Variants in ITGA11 observed in about 807,000 individuals in gnomAD.
The protein encoded by ITGA11 is integrin subunit alpha 11, also known as integrin alpha-11.
ITGA11 carries 97 observed loss-of-function variants against 141.9 expected under a neutral mutation model. The observed-to-expected ratio is 0.68, with a 90% CI of 0.58 to 0.81. ITGA11 has a LOEUF of 0.81. Ranked by LOEUF, ITGA11 falls within the 30% of genes least tolerant of loss-of-function variation. The pLI is 0.00. For missense variants in ITGA11, 1,387 were observed against 1,559.2 expected (o/e 0.89, Z 1.86); for synonymous variants, 658 against 624.6 (o/e 1.05, Z -0.80).
At position 68,345,790 on chromosome 15, in the gene ITGA11, C is replaced by T. The variant is rs190583342; in HGVS notation, c.1131+3040G>A. Among the ~76,000 whole-genome samples, 742 of 152,290 alleles carry T rather than the reference C, an allele frequency of 4.9e-3. 2 individuals carry two copies. The highest frequency in any genetic ancestry group is 0.023 in the South Asian group (111 of 4,822). On this transcript the variant is annotated intron_variant, in intron 10 of 29. Coordinates refer to ENST00000315757, the MANE Select transcript of ITGA11 (RefSeq NM_001004439.2). ...CAATAGCCCTGATCCCCAGAGAGGC[C>T]TAACTGACCCTGAGAGCTGAGGAGT...
rs926135584 is a variant in ITGA11, at chr15:68,305,924, T to C, written c.3381+1424A>G. Among the ~76,000 whole-genome samples, 4 of 151,622 alleles carry C rather than the reference T, an allele frequency of 2.6e-5. No individual in the cohort carries two copies. Among genetic ancestry groups the C allele is most frequent in the African/African-American group, 9.7e-5 (4 of 41,188 alleles). On this transcript the variant is annotated intron_variant, in intron 28 of 29. Transcript: ENST00000315757. This position sits in a 1 kb window ranked among gnomAD's most constrained non-coding sequence, Gnocchi z 4.6. ...AGGCATGGCCGGGCACGGTGGCTCA[T>C]GCCTGTAATCCCAGCACTTTGGGAA... is the stretch of plus-strand genomic sequence containing the variant.
At chr15:68,381,545 G>C (rs1293030100) in intron 2 of ITGA11, among the ~76,000 whole-genome samples, 1 of 135,712 alleles carries the variant, frequency 7.4e-6, no homozygotes, top group Non-Finnish European at 1.6e-5. Flanking sequence ...TCCTGAGGCA[G>C]AGACAGCATT....
At chr15:68,367,793 G>A (rs1433445408) in intron 3 of ITGA11, among the ~76,000 whole-genome samples, 1 of 152,154 alleles carries the variant, frequency 6.6e-6, no homozygotes, top group East Asian at 1.9e-4. Flanking sequence ...CTTTACACAC[G>A]AGTAAACTGA....
intron 20 of ITGA11, 143 bp from the exon 21 acceptor site, chr15:68,317,506 C>T (rs1893630847): frequency 4.6e-6 from 3 of 649,850 alleles, no homozygotes; most frequent in Non-Finnish European, 8.3e-6. Context: ...GGACCACAGC[C>T]CTTCTGATGT....
rs1395042631 is a variant in ITGA11 at position 68,313,871 on chromosome 15, G to A, written c.2793-3C>T. ...TGCTGTCCCGCTCATTACTGTCACT[G>A]CAAGGAGAGCCAGGCGGCAAGGTCA... is the stretch of plus-strand genomic sequence containing the variant. On this transcript the variant is annotated splice_region_variant and splice_polypyrimidine_tract_variant and intron_variant, in intron 22 of 29. Coordinates refer to ENST00000315757, the MANE Select transcript of ITGA11 (RefSeq NM_001004439.2). The A allele has an allele frequency of 6.2e-7, 1 of 1,613,218 alleles. No individual in the cohort carries two copies. The highest frequency in any genetic ancestry group is 8.5e-7 in the Non-Finnish European group (1 of 1,179,210).
intron 16 of ITGA11, 108 bp downstream of exon 16, chr15:68,327,988 A>G: frequency 8.9e-7 from 1 of 1,126,746 alleles, no homozygotes. Flanking sequence ...CTCTTGGGCG[A>G]CCTGGCACTT....
chr15:68,381,696 T>C (rs1276413521), intron 2 of ITGA11, among the ~76,000 whole-genome samples: 1 of 152,146 alleles, frequency 6.6e-6, no homozygotes, highest in African/African-American at 2.4e-5. Flanking sequence ...GCTGGGATTA[T>C]AGGCGCTCAC....
chr15:68,375,880 G>A (rs1163967789), intron 2 of ITGA11, among the ~76,000 whole-genome samples: 1 of 152,208 alleles, frequency 6.6e-6, no homozygotes, highest in Non-Finnish European at 1.5e-5. Flanking sequence ...TGTAGGCTAA[G>A]GAAAGCAAAT....
chr15:68,422,919 C>A lies in ITGA11; in HGVS notation c.52+9096G>T, dbSNP rs76342951. Among the ~76,000 whole-genome samples the A allele has an allele frequency of 6.9e-3, 1,049 of 152,356 alleles. 12 individuals carry two copies. Among genetic ancestry groups the A allele is most frequent in the African/African-American group, 0.023 (944 of 41,576 alleles). ...TATTTATCCAAAAATCTCTCTCCTG[C>A]TAAACCACAAGCTCCTTGAAAGGCA... is the stretch of plus-strand genomic sequence containing the variant. On this transcript the variant is annotated intron_variant, in intron 1 of 29. Coordinates refer to ENST00000315757, the MANE Select transcript of ITGA11 (RefSeq NM_001004439.2).
chr15:68,325,086 G>A lies in ITGA11; in HGVS notation c.2322+45C>T, dbSNP rs778711162. Reference sequence around the variant, plus strand: ...GGCTTTGGGGTTGAGGTGGAGGTGGGGGTGGGGTTCATGCCCGAGGTGCGT... The same window carrying A: ...GGCTTTGGGGTTGAGGTGGAGGTGGAGGTGGGGTTCATGCCCGAGGTGCGT... On this transcript the variant is annotated intron_variant, in intron 18 of 29. Coordinates refer to ENST00000315757, the MANE Select transcript of ITGA11 (RefSeq NM_001004439.2). This position sits in a 1 kb window ranked among gnomAD's most constrained non-coding sequence, Gnocchi z 5.5. The A allele has an allele frequency of 1.2e-5, 17 of 1,372,948 alleles. No homozygotes were observed. The East Asian group carries it at 3.7e-4, about 30-fold the overall frequency. The allele number at this position is 1,372,948 out of a possible 1,614,324, so 85.0% of individuals were successfully genotyped here.
At chr15:68,395,789 T>G (rs1284903025) in intron 2 of ITGA11, among the ~76,000 whole-genome samples, 1 of 141,088 alleles carries the variant, frequency 7.1e-6, no homozygotes, top group Non-Finnish European at 1.5e-5. Context: ...AGTCAATGGG[T>G]GCAGCAAACC....
chr15:68,406,347 CCCTCTCCTCCT>C (rs1292077666), intron 1 of ITGA11, among the ~76,000 whole-genome samples: 3 of 152,094 alleles, frequency 2.0e-5, no homozygotes, highest in Non-Finnish European at 4.4e-5. Context: ...TTAATTTCTA[CCCTCTCCTCCT>C]CCTCTCCTCC....
intron 3 of ITGA11, among the ~76,000 whole-genome samples, 193 bp downstream of exon 3, chr15:68,368,991 C>T (rs1895507926): frequency 6.6e-6 from 1 of 151,334 alleles, no homozygotes; most frequent in Non-Finnish European, 1.5e-5. Flanking sequence ...AGCTGTGTGA[C>T]TGTGGAAAAG....
At chr15:68,356,510 A>C (rs753201063) in intron 7 of ITGA11, among the ~76,000 whole-genome samples, 1 of 152,212 alleles carries the variant, frequency 6.6e-6, no homozygotes, top group Non-Finnish European at 1.5e-5. Flanking sequence ...CTCCATAAGA[A>C]GACCCCATCC....
Position 68,328,954 on chromosome 15 carries a change from A to G in ITGA11, c.1902-692T>C, listed in dbSNP as rs1393716332. Among the ~76,000 whole-genome samples, 7 of 152,342 alleles carry G rather than the reference A, an allele frequency of 4.6e-5. No individual in the cohort carries two copies. The highest frequency in any genetic ancestry group is 1.7e-4 in the African/African-American group (7 of 41,568). On this transcript the variant is annotated intron_variant, in intron 15 of 29. Coordinates refer to ENST00000315757, the MANE Select transcript of ITGA11 (RefSeq NM_001004439.2). The surrounding 1 kb of genome is among the most constrained non-coding windows in gnomAD (Gnocchi z 4.8). The stretch of plus-strand genomic sequence containing the variant: ...TACAAATTTACCCTTATACCGGCCT[A>G]AGTCAAATGTAATTAGGAACGGAAA...
chr15:68,364,651 C>CAA, intron 4 of ITGA11, 56 bp downstream of exon 4: 1 of 1,029,980 alleles, frequency 9.7e-7, no homozygotes. Context: ...CGCTCCACCC[C>CAA]TCCCCACCCC....
At position 68,308,889 on chromosome 15, in the gene ITGA11, AAT is replaced by A. The variant is rs1247678104; in HGVS notation, c.3175-1195_3175-1194del. Among the ~76,000 whole-genome samples, 1 of 152,278 alleles carries A rather than the reference AAT, an allele frequency of 6.6e-6. No homozygotes were observed. Among genetic ancestry groups the A allele is most frequent in the Non-Finnish European group, 1.5e-5 (1 of 68,052 alleles). ...CAGGCCCTCACTGAAGAAGCCTGAC[AAT>A]TAACAGCAGAACCATTAGCCAACAC... is the stretch of plus-strand genomic sequence containing the variant. On this transcript the variant is annotated intron_variant, in intron 26 of 29. Coordinates refer to ENST00000315757, the MANE Select transcript of ITGA11 (RefSeq NM_001004439.2). This position sits in a 1 kb window ranked among gnomAD's most constrained non-coding sequence, Gnocchi z 5.2.
chr15:68,361,708 G>T lies in ITGA11; in HGVS notation c.358-4C>A. 2 of 1,590,594 alleles carry T rather than the reference G, an allele frequency of 1.3e-6. No individual in the cohort carries two copies. Among genetic ancestry groups the T allele is most frequent in the South Asian group, 1.1e-5 (1 of 87,956 alleles). On this transcript the variant is annotated splice_polypyrimidine_tract_variant and splice_region_variant and intron_variant, in intron 4 of 29. Transcript: ENST00000315757. ...GAGACCAGAGGGGGCTGCAGGCCTG[G>T]GGAGGGCAGTGCAGATCCCCAGTCA... is the stretch of plus-strand genomic sequence containing the variant.
chr15:68,310,911 G>T (rs910261615), intron 26 of ITGA11, 83 bp downstream of exon 26: 3 of 1,030,810 alleles, frequency 2.9e-6, no homozygotes, highest in Non-Finnish European at 4.4e-6. Flanking sequence ...AAGCTATTGG[G>T]TCGGGAGGGA....
Sources: allele counts gnomAD v4.1 joint callset (sites outside exome capture counted in the v4.1 genomes callset), GRCh38; gene constraint gnomAD v4.1.1; non-coding constraint Gnocchi (gnomAD v3.1); transcripts MANE v1.5; gene names NCBI Gene and HGNC (gene_info 2026-07-23, HGNC 2026-07-21).